Variants in HMCN1 observed in about 807,000 individuals in gnomAD.
The protein encoded by HMCN1 is hemicentin-1.
HMCN1 carries 321 observed loss-of-function variants against 625.9 expected under a neutral mutation model. The observed-to-expected ratio is 0.51, with a 90% CI of 0.47 to 0.56. HMCN1 has a LOEUF of 0.56. Ranked by LOEUF, HMCN1 falls within the 20% of genes least tolerant of loss-of-function variation. The pLI is 0.00. For missense variants in HMCN1, 6,588 were observed against 6,887.3 expected (o/e 0.96, Z 1.54); for synonymous variants, 2,425 against 2,417.6 (o/e 1.00, Z -0.09).
chr1:186,188,044 G>GA, intron 106 of HMCN1, 35 bp downstream of exon 106: 2 of 1,613,158 alleles, frequency 1.2e-6, no homozygotes, highest in Non-Finnish European at 8.5e-7. Context: ...ACATGCTTTT[G>GA]AAAATCCTTC....
intron 97 of HMCN1, among the ~76,000 whole-genome samples, chr1:186,163,685 A>G (rs1651679096): frequency 6.6e-6 from 1 of 152,242 alleles, no homozygotes; most frequent in South Asian, 2.1e-4. Flanking sequence ...AATATACGGC[A>G]GACACATTCA....
intron 1 of HMCN1, among the ~76,000 whole-genome samples, chr1:185,822,940 C>T (rs544814878): frequency 2.0e-5 from 3 of 152,122 alleles, no homozygotes; most frequent in Admixed American, 6.5e-5. Context: ...ACAAAATTAG[C>T]AAAATTTGAA....
At position 185,980,968 on chromosome 1, in the gene HMCN1, T is replaced by C. The variant is rs1651590844; in HGVS notation, c.2567-10T>C. ...TGGTATTGGATGAGTAAATGAGTTC[T>C]TCCTTTTAGACTTATGGGCAAGTGA... On this transcript the variant is annotated splice_polypyrimidine_tract_variant and intron_variant, in intron 16 of 106. Transcript: ENST00000271588. 2 of 1,537,232 alleles carry C rather than the reference T, an allele frequency of 1.3e-6. No homozygotes were observed. The highest frequency in any genetic ancestry group is 1.8e-6 in the Non-Finnish European group (2 of 1,110,078).
Position 185,993,162 on chromosome 1 carries a change from A to G in HMCN1, c.3378-20A>G, listed in dbSNP as rs776115932. 3.8e-5 allele frequency: 61 copies of G among 1,607,854 alleles called. 1 individual carries two copies. Among genetic ancestry groups the G allele is most frequent in the South Asian group, 3.6e-4 (33 of 90,952 alleles). On this transcript the variant is annotated intron_variant, in intron 22 of 106. Transcript: ENST00000271588. Reference sequence around the variant, plus strand: ...AAATTCTCCTCTTCCATGGTCTACTATATGGTTTCTTTCTTTTAGACACAC... The same window carrying G: ...AAATTCTCCTCTTCCATGGTCTACTGTATGGTTTCTTTCTTTTAGACACAC...
chr1:185,906,594 G>T (rs1365693196), intron 4 of HMCN1, among the ~76,000 whole-genome samples: 1 of 151,672 alleles, frequency 6.6e-6, no homozygotes, highest in Non-Finnish European at 1.5e-5. Flanking sequence ...TCTCTGCATT[G>T]GGTTTGAAGG....
At chr1:186,163,388 GGCTCACGCACGGTGCGCTGCA>G (rs1364418258) in intron 97 of HMCN1, among the ~76,000 whole-genome samples, 1 of 151,920 alleles carries the variant, frequency 6.6e-6, no homozygotes, top group Non-Finnish European at 1.5e-5. Context: ...ACCCTGCTTC[GGCTCACGCACGGTGCGCTGCA>G]CCCACTGACC....
At position 186,052,095 on chromosome 1, in the gene HMCN1, A is replaced by G. The variant is rs566605814; in HGVS notation, c.6578-857A>G. 3.7e-4 allele frequency among the ~76,000 whole-genome samples: 56 copies of G among 152,128 alleles called. No individual in the cohort carries two copies. In the South Asian group the frequency reaches 0.011, roughly 29 times the overall value. ...ATGAAAAGTGTAAGAACACATATCA[A>G]ACTCTTCAGTGAATAAAGGAAGAAT... On this transcript the variant is annotated intron_variant, in intron 42 of 106. Coordinates refer to ENST00000271588, the MANE Select transcript of HMCN1 (RefSeq NM_031935.3).
chr1:185,974,172 A>G (rs74134242), intron 15 of HMCN1, among the ~76,000 whole-genome samples: 3,833 of 152,234 alleles, frequency 0.025, 154 homozygotes, highest in African/African-American at 0.087. Context: ...AATACTTAGG[A>G]TCTCAGAGGA....
At chr1:185,856,453 A>C (rs1662470617) in intron 2 of HMCN1, among the ~76,000 whole-genome samples, 1 of 149,666 alleles carries the variant, frequency 6.7e-6, no homozygotes. Flanking sequence ...GCGCCACTGC[A>C]CTCCAGCCTG....
chr1:185,877,941 C>T (rs1232637054), intron 4 of HMCN1, among the ~76,000 whole-genome samples: 2 of 152,056 alleles, frequency 1.3e-5, no homozygotes, highest in Admixed American at 6.6e-5. Context: ...TCTTTGTCCC[C>T]ATTGGTTCTC....
chr1:185,947,977 G>A (rs1400960488), intron 11 of HMCN1, among the ~76,000 whole-genome samples: 1 of 152,188 alleles, frequency 6.6e-6, no homozygotes, highest in Non-Finnish European at 1.5e-5. Flanking sequence ...TGAAAACAAT[G>A]TCAATGTTTT....
At chr1:185,984,802 G>A (rs11800249) in intron 19 of HMCN1, among the ~76,000 whole-genome samples, 4,662 of 152,174 alleles carry the variant, frequency 0.031, 248 homozygotes, top group African/African-American at 0.11. Flanking sequence ...CAAATAAGAA[G>A]ATCCAGAAGC....
At chr1:186,134,654 AAC>A (rs1182156423) in intron 86 of HMCN1, among the ~76,000 whole-genome samples, 3 of 152,180 alleles carry the variant, frequency 2.0e-5, no homozygotes, top group Admixed American at 2.0e-4. Flanking sequence ...GAAAAAAACT[AAC>A]ATATTAATAT....
chr1:185,987,311 A>G, intron 19 of HMCN1, 121 bp from the exon 20 acceptor site: 1 of 731,014 alleles, frequency 1.4e-6, no homozygotes, highest in East Asian at 2.5e-5. Context: ...TTATCAGAAA[A>G]TGTTAAATAA....
chr1:185,961,369 A>C (rs1050106790), intron 11 of HMCN1, among the ~76,000 whole-genome samples: 21 of 152,226 alleles, frequency 1.4e-4, no homozygotes, highest in African/African-American at 5.1e-4. Flanking sequence ...TATAGTAAAA[A>C]CCAAATTAAA....
intron 2 of HMCN1, among the ~76,000 whole-genome samples, chr1:185,856,487 CAAA>C (rs58320542): frequency 1.5e-4 from 15 of 102,696 alleles, no homozygotes; most frequent in Admixed American, 2.2e-4. Flanking sequence ...GACCCTGTCT[CAAA>C]AAAAAAAAAA....
At chr1:186,132,020 A>G (rs1365014649) in intron 85 of HMCN1, among the ~76,000 whole-genome samples, 1 of 152,132 alleles carries the variant, frequency 6.6e-6, no homozygotes, top group East Asian at 1.9e-4. Flanking sequence ...AATTCCAGAT[A>G]GATGATCATA....
At chr1:186,065,470 T>C (rs201578627) in intron 49 of HMCN1, 41 bp downstream of exon 49, 784 of 1,442,312 alleles carry the variant, frequency 5.4e-4, no homozygotes, top group Non-Finnish European at 6.8e-4. Flanking sequence ...GAATCTGACA[T>C]GACTGTAGGC....
At chr1:185,980,012 T>C (rs1347462578) in intron 16 of HMCN1, among the ~76,000 whole-genome samples, 1 of 152,122 alleles carries the variant, frequency 6.6e-6, no homozygotes, top group Non-Finnish European at 1.5e-5. Flanking sequence ...AACTCAGTAG[T>C]CCCCATCCTC....
Sources: gnomAD v4.1 joint callset for allele counts (sites outside exome capture counted in the v4.1 genomes callset) on GRCh38, gnomAD v4.1.1 for gene constraint, MANE v1.5 for transcripts, NCBI Gene and HGNC (gene_info 2026-07-23, HGNC 2026-07-21) for gene names.